The following ASXL3 variants were observed in gnomAD, a reference collection of about 807,000 sequenced individuals.
ASXL3 encodes the protein ASXL transcriptional regulator 3.
In ASXL3, 34 loss-of-function variants were observed where a neutral mutation model predicts 170.6. The observed-to-expected ratio is 0.20, with a 90% CI of 0.15 to 0.27. The LOEUF is 0.27. ASXL3 is among the 10% of genes least tolerant of loss of function. ASXL3 has a pLI of 1.00. For missense variants in ASXL3, 2,592 were observed against 2,695.3 expected, an observed-to-expected ratio of 0.96 and a Z score of 0.85; for synonymous variants, 1,002 against 989.1, an observed-to-expected ratio of 1.01 and a Z score of -0.24.
intron 7 of ASXL3, 27 bp downstream of exon 7, chr18:33,671,893 T>C: frequency 1.4e-6 from 2 of 1,470,880 alleles, no homozygotes; most frequent in Non-Finnish European, 1.8e-6. Flanking sequence ...CTATGCCATT[T>C]CACATTTTAG....
At chr18:33,730,502 T>C (rs1477359954) in intron 8 of ASXL3, among the ~76,000 whole-genome samples, 2 of 152,150 alleles carry the variant, frequency 1.3e-5, no homozygotes, top group Admixed American at 1.3e-4. Context: ...GTTGAGTGCA[T>C]AAACCACACT....
rs1412253602 is a variant in ASXL3 at position 33,683,397 on chromosome 18, C to T, written c.716-8C>T. 6.2e-7 allele frequency: 1 copy of T among 1,606,270 alleles called. No individual in the cohort carries two copies. The highest frequency in any genetic ancestry group is 8.5e-7 in the Non-Finnish European group (1 of 1,176,370). ...AGTAAATTCATGCCTCTTGCTTGTT[C>T]ATCACAGGGCACTTGAAATGGACCA... On this transcript the variant is annotated splice_polypyrimidine_tract_variant and splice_region_variant and intron_variant, in intron 7 of 11. Transcript: ENST00000269197.
chr18:33,670,033 G>A (rs1314360067), intron 5 of ASXL3, among the ~76,000 whole-genome samples: 1 of 152,068 alleles, frequency 6.6e-6, no homozygotes, highest in East Asian at 1.9e-4. Flanking sequence ...GGATTTGCTA[G>A]AATCTGTCAT....
At chr18:33,594,386 C>T (rs1025728106) in intron 1 of ASXL3, among the ~76,000 whole-genome samples, 1 of 152,100 alleles carries the variant, frequency 6.6e-6, no homozygotes, top group Non-Finnish European at 1.5e-5. Context: ...ATAATGAGCT[C>T]CCAACCTGGT....
At chr18:33,704,225 T>A (rs887141543) in intron 8 of ASXL3, among the ~76,000 whole-genome samples, 1 of 152,160 alleles carries the variant, frequency 6.6e-6, no homozygotes, top group African/African-American at 2.4e-5. Context: ...TCCTTTATAT[T>A]CTTTCCTATT....
chr18:33,610,289 T>C (rs1333888708), intron 2 of ASXL3, among the ~76,000 whole-genome samples: 1 of 152,076 alleles, frequency 6.6e-6, no homozygotes, highest in East Asian at 1.9e-4. Context: ...ACTAATGATG[T>C]GTTTTAAGAA....
rs368040011 is a variant in ASXL3, at chr18:33,746,146, C to A, written c.6298C>A (p.Gln2100Lys). ...LSSSCELGMK[Q>K]VSYDQNEMKE... ...CAGCAGCTGTGAACTGGGCATGAAA[C>A]AAGTTTCCTATGACCAGAATGAAAT... Residue 2100 changes from glutamine to lysine, a missense_variant, in exon 12 of 12, where the codon CAA becomes AAA. Transcript: ENST00000269197. 1 of 1,613,770 alleles carries A rather than the reference C, an allele frequency of 6.2e-7. No homozygotes were observed. Among genetic ancestry groups the A allele is most frequent in the Admixed American group, 1.7e-5 (1 of 59,986 alleles).
Position 33,739,594 on chromosome 18 carries a change from A to G in ASXL3, c.2190A>G (p.Ser730=). Residue 730 remains serine (S), a synonymous_variant, in exon 11 of 12, where the codon TCA becomes TCG. Coordinates refer to ENST00000269197, the MANE Select transcript of ASXL3 (RefSeq NM_030632.3). ...SDLPLTSETS[S]VSSMLLTSET... ...TACCTTTAACATCAGAAACTTCTTC[A>G]GTGTCTTCCATGCTTCTCACCTCTG... 1 of 1,614,008 alleles carries G rather than the reference A, an allele frequency of 6.2e-7. No homozygotes were observed. The highest frequency in any genetic ancestry group is 8.5e-7 in the Non-Finnish European group (1 of 1,179,888).
At position 33,723,091 on chromosome 18, in the gene ASXL3, T is replaced by C. The variant is rs538501982; in HGVS notation, c.880-8877T>C. 6.6e-5 allele frequency among the ~76,000 whole-genome samples: 10 copies of C among 152,218 alleles called. No individual in the cohort carries two copies. In the South Asian group the frequency reaches 2.1e-3, roughly 32 times the overall value. Reference sequence around the variant, plus strand: ...ACTGCTCATTGACAATGCAGTGGGGTCACTGAAGAAGCTGACAGAGATGTA... The same window carrying C: ...ACTGCTCATTGACAATGCAGTGGGGCCACTGAAGAAGCTGACAGAGATGTA... On this transcript the variant is annotated intron_variant, in intron 8 of 11. Coordinates refer to ENST00000269197, the MANE Select transcript of ASXL3 (RefSeq NM_030632.3).
At chr18:33,613,726 C>A (rs1451575794) in intron 2 of ASXL3, among the ~76,000 whole-genome samples, 1 of 151,998 alleles carries the variant, frequency 6.6e-6, no homozygotes, top group African/African-American at 2.4e-5. Context: ...TAAGACCAGC[C>A]TGGACAGTAA....
At chr18:33,611,157 T>C (rs1018845459) in intron 2 of ASXL3, among the ~76,000 whole-genome samples, 4 of 152,114 alleles carry the variant, frequency 2.6e-5, no homozygotes, top group Non-Finnish European at 5.9e-5. Context: ...GACAACTTTT[T>C]TACATCATGT....
intron 8 of ASXL3, among the ~76,000 whole-genome samples, chr18:33,726,677 G>A (rs1054659116): frequency 2.6e-5 from 4 of 152,024 alleles, no homozygotes; most frequent in Non-Finnish European, 5.9e-5. Context: ...AATCACATAT[G>A]TGACTCACCT....
intron 1 of ASXL3, among the ~76,000 whole-genome samples, chr18:33,581,673 A>G (rs1319921793): frequency 3.9e-5 from 6 of 152,020 alleles, no homozygotes; most frequent in Admixed American, 1.3e-4. Context: ...CAGAATTTCT[A>G]TTTTCTTTCT....
chr18:33,582,713 T>C (rs964105866), intron 1 of ASXL3, among the ~76,000 whole-genome samples: 3 of 147,798 alleles, frequency 2.0e-5, no homozygotes, highest in South Asian at 2.1e-4. Context: ...TTTCTGTGTG[T>C]GTGTGTGTGT....
intron 1 of ASXL3, among the ~76,000 whole-genome samples, chr18:33,600,976 A>G (rs765194891): frequency 6.6e-6 from 1 of 152,142 alleles, no homozygotes; most frequent in Non-Finnish European, 1.5e-5. Flanking sequence ...GCAAAACAAG[A>G]TAATTGGTCC....
intron 11 of ASXL3, among the ~76,000 whole-genome samples, chr18:33,740,972 T>A (rs1226471963): frequency 1.3e-5 from 2 of 152,194 alleles, no homozygotes; most frequent in African/African-American, 4.8e-5. Flanking sequence ...GCTTTTTAAA[T>A]TAAAAATATT....
chr18:33,728,608 C>A (rs2067387364), intron 8 of ASXL3, among the ~76,000 whole-genome samples: 1 of 152,146 alleles, frequency 6.6e-6, no homozygotes, highest in South Asian at 2.1e-4. Flanking sequence ...GGTTGGCCAT[C>A]ATTTCATCCA....
rs572681313 is a variant in ASXL3, at chr18:33,749,776, A to G, written c.*3181A>G. Reference sequence around the variant, plus strand: ...CTATGAGGTTGAGCCTGGTTGCTATAAAGACTTTGGGATGGTATGTGTTTC... The same window carrying G: ...CTATGAGGTTGAGCCTGGTTGCTATGAAGACTTTGGGATGGTATGTGTTTC... On this transcript the variant is annotated 3_prime_UTR_variant, in exon 12 of 12. Transcript: ENST00000269197. 1.3e-5 allele frequency: 2 copies of G among 152,290 alleles called. No individual in the cohort carries two copies. Among genetic ancestry groups the G allele is most frequent in the East Asian group, 3.9e-4 (2 of 5,190 alleles). 9.4% of individuals were successfully genotyped at this position (152,290 alleles called of 1,614,324 possible). A position where few individuals can be genotyped will look rare whatever the true frequency, so the allele number is the denominator to read the frequency against.
chr18:33,689,184 G>A (rs1215154635), intron 8 of ASXL3, among the ~76,000 whole-genome samples: 1 of 152,092 alleles, frequency 6.6e-6, no homozygotes, highest in Non-Finnish European at 1.5e-5. Flanking sequence ...AGTAGAGATG[G>A]GGTTTCGCCA....
Sources: allele counts gnomAD v4.1 joint callset (sites outside exome capture counted in the v4.1 genomes callset), GRCh38; gene constraint gnomAD v4.1.1; transcripts MANE v1.5; gene names NCBI Gene and HGNC (gene_info 2026-07-23, HGNC 2026-07-21).